CPEB3: variants seen among roughly 807,000 people sequenced by gnomAD.
CPEB3 encodes the protein cytoplasmic polyadenylation element-binding protein 3.
In CPEB3, 20 loss-of-function variants were observed where a neutral mutation model predicts 67.2. That is an observed-to-expected ratio of 0.30 (90% CI 0.21 to 0.43). The LOEUF (loss-of-function observed/expected upper bound fraction) is 0.43, where lower values mean the gene tolerates loss of function less well. Ranked by LOEUF, CPEB3 falls within the 20% of genes least tolerant of loss-of-function variation. The pLI is 1.00. For synonymous variants in CPEB3, 376 were observed against 393.1 expected (o/e 0.96, Z 0.51); for missense variants, 746 against 968.6 (o/e 0.77, Z 3.05).
chr10:92,161,743 C>T (rs781744506), intron 4 of CPEB3, among the ~76,000 whole-genome samples: 2 of 152,202 alleles, frequency 1.3e-5, no homozygotes, highest in Non-Finnish European at 2.9e-5. Flanking sequence ...TGGTTCACTA[C>T]AACCTCCACC....
intron 8 of CPEB3, among the ~76,000 whole-genome samples, chr10:92,082,434 A>G (rs555414846): frequency 2.3e-3 from 356 of 151,884 alleles, no homozygotes; most frequent in Non-Finnish European, 4.3e-3. Flanking sequence ...ATGCACCACC[A>G]CACTTGGCTA....
chr10:92,120,662 CT>C lies in CPEB3; in HGVS notation c.1454-9469del, dbSNP rs561039449. ...TGAAACAATCTGGATATTTCTTGTT[CT>C]CAGGAGATATGTGCTGAAATATTTA... is the stretch of plus-strand genomic sequence containing the variant. On this transcript the variant is annotated intron_variant, in intron 6 of 9. Coordinates refer to ENST00000265997, the MANE Select transcript of CPEB3 (RefSeq NM_014912.5). 3.5e-4 allele frequency among the ~76,000 whole-genome samples: 53 copies of C among 152,246 alleles called. 2 individuals are homozygous for C. The South Asian group carries it at 0.011, about 31-fold the overall frequency.
intron 4 of CPEB3, among the ~76,000 whole-genome samples, chr10:92,166,809 G>A (rs928201598): frequency 1.3e-5 from 2 of 152,208 alleles, no homozygotes; most frequent in Non-Finnish European, 2.9e-5. Context: ...ATCCTTTGAA[G>A]CCAGGCACTG....
At chr10:92,147,727 A>AT (rs1360431439) in intron 4 of CPEB3, among the ~76,000 whole-genome samples, 2 of 152,200 alleles carry the variant, frequency 1.3e-5, no homozygotes, top group South Asian at 2.1e-4. Flanking sequence ...GCGGGGAGAG[A>AT]TTTTTAGAGT....
At chr10:92,055,600 T>C (rs1386617797) in intron 9 of CPEB3, among the ~76,000 whole-genome samples, 3 of 152,154 alleles carry the variant, frequency 2.0e-5, no homozygotes, top group African/African-American at 7.2e-5. Context: ...AAGCTGGTGG[T>C]CTGCTATCAT....
At chr10:92,121,673 G>GA (rs200227455) in intron 6 of CPEB3, among the ~76,000 whole-genome samples, 40,388 of 147,414 alleles carry the variant, frequency 0.27, 5,455 homozygotes, top group Middle Eastern at 0.33. Flanking sequence ...ACTACAAATG[G>GA]AAAAAAAAAA....
At position 92,052,655 on chromosome 10, in the gene CPEB3, G is replaced by A. The variant is rs546726917; in HGVS notation, c.1870-216C>T. 1.5e-3 allele frequency among the ~76,000 whole-genome samples: 221 copies of A among 152,180 alleles called. 1 individual carries two copies. Among genetic ancestry groups the A allele is most frequent in the Non-Finnish European group, 2.0e-3 (138 of 68,046 alleles). On this transcript the variant is annotated intron_variant, in intron 9 of 9. Coordinates refer to ENST00000265997, the MANE Select transcript of CPEB3 (RefSeq NM_014912.5). ...TTAGACAAATTCTTAAAATCTCTGT[G>A]CCTCTGTTTGCTCTATCACTGTATC...
At chr10:92,190,457 G>A (rs1296347104) in intron 3 of CPEB3, among the ~76,000 whole-genome samples, 5 of 151,786 alleles carry the variant, frequency 3.3e-5, no homozygotes, top group African/African-American at 7.3e-5. Flanking sequence ...CCTAAGGTCA[G>A]GAGTTTGAGA....
In CPEB3 at chr10:92,046,909, C is replaced by T. The variant is rs1269603290; in HGVS notation, c.*5303G>A. ...CTAAGAGAACAGGTAATAAAAGATACAATACATTTAAAATTAGTTGTTAGT... is the reference window on the plus strand; with the variant it reads ...CTAAGAGAACAGGTAATAAAAGATATAATACATTTAAAATTAGTTGTTAGT... On this transcript the variant is annotated 3_prime_UTR_variant, in exon 10 of 10. Transcript: ENST00000265997. 6.6e-6 allele frequency: 1 copy of T among 152,040 alleles called. No homozygotes were observed. The allele number at this position is 152,040 out of a possible 1,614,324, so 9.4% of individuals were successfully genotyped here. A position where few individuals can be genotyped will look rare whatever the true frequency, so the allele number is the denominator to read the frequency against.
chr10:92,145,182 C>T (rs1055245794), intron 4 of CPEB3, 97 bp from the exon 5 acceptor site: 8 of 1,386,812 alleles, frequency 5.8e-6, no homozygotes, highest in Admixed American at 4.0e-5. Context: ...ATTAGAAGCC[C>T]GAAGTGCAGA....
At chr10:92,280,418 T>C (rs984577864) in intron 1 of CPEB3, among the ~76,000 whole-genome samples, 2 of 147,700 alleles carry the variant, frequency 1.4e-5, no homozygotes, top group African/African-American at 5.0e-5. Flanking sequence ...GGTCCAGGGA[T>C]TTCAGGTTTT....
chr10:92,253,237 G>A (rs539317482), intron 1 of CPEB3, among the ~76,000 whole-genome samples: 3 of 151,984 alleles, frequency 2.0e-5, no homozygotes, highest in South Asian at 2.1e-4. Flanking sequence ...CGAGGCAGGC[G>A]GATCACAAGG....
At chr10:92,124,711 G>C (rs117579373) in intron 6 of CPEB3, among the ~76,000 whole-genome samples, 1 of 151,986 alleles carries the variant, frequency 6.6e-6, no homozygotes, top group East Asian at 1.9e-4. Flanking sequence ...ATCAGTTTAC[G>C]TAACTCAGAA....
intron 4 of CPEB3, among the ~76,000 whole-genome samples, chr10:92,153,583 C>T (rs1259012505): frequency 1.3e-5 from 2 of 152,102 alleles, no homozygotes; most frequent in African/African-American, 4.8e-5. Flanking sequence ...GAGTTCGAGA[C>T]CAGCCTGGCC....
chr10:92,062,787 A>G (rs550206472), intron 9 of CPEB3, among the ~76,000 whole-genome samples: 1 of 152,350 alleles, frequency 6.6e-6, no homozygotes, highest in South Asian at 2.1e-4. Context: ...CTTTGGACAT[A>G]CCAGTCTGGT....
intron 9 of CPEB3, among the ~76,000 whole-genome samples, chr10:92,056,132 G>A (rs949856821): frequency 3.9e-5 from 6 of 152,190 alleles, no homozygotes; most frequent in African/African-American, 1.2e-4. Context: ...CCAGATGAGC[G>A]AGGGTGCTGT....
At chr10:92,055,648 A>G (rs1842082250) in intron 9 of CPEB3, among the ~76,000 whole-genome samples, 1 of 152,164 alleles carries the variant, frequency 6.6e-6, no homozygotes, top group Non-Finnish European at 1.5e-5. Flanking sequence ...TTAAGTTTGC[A>G]ATTTCCCATC....
intron 1 of CPEB3, among the ~76,000 whole-genome samples, chr10:92,272,678 G>A (rs930132204): frequency 6.6e-6 from 1 of 152,130 alleles, no homozygotes; most frequent in Non-Finnish European, 1.5e-5. Context: ...GACAAAACAG[G>A]TATAGTCTCA....
At chr10:92,094,292 C>T (rs374562738) in intron 7 of CPEB3, among the ~76,000 whole-genome samples, 1 of 151,872 alleles carries the variant, frequency 6.6e-6, no homozygotes, top group African/African-American at 2.4e-5. Context: ...TTCGCTCCAC[C>T]TTTATTGCAT....
Sources: gnomAD v4.1 joint callset for allele counts (sites outside exome capture counted in the v4.1 genomes callset) on GRCh38, gnomAD v4.1.1 for gene constraint, MANE v1.5 for transcripts, NCBI Gene and HGNC (gene_info 2026-07-23, HGNC 2026-07-21) for gene names.